The following SPECC1 variants were observed in gnomAD, a reference collection of about 807,000 sequenced individuals.
SPECC1 encodes sperm antigen with calponin homology and coiled-coil domains 1, also known as cytospin-B.
In SPECC1, 62 loss-of-function variants were observed where a neutral mutation model predicts 104.1. The observed-to-expected ratio is 0.60, with a 90% CI of 0.49 to 0.74. SPECC1 has a LOEUF of 0.74. SPECC1 is among the 30% of genes least tolerant of loss of function. The pLI, the probability that SPECC1 is intolerant of heterozygous loss-of-function variation, is 0.00. For missense variants in SPECC1, 1,306 were observed against 1,310.5 expected, an observed-to-expected ratio of 1.00 and a Z score of 0.05; for synonymous variants, 513 against 501.6, an observed-to-expected ratio of 1.02 and a Z score of -0.30.
chr17:20,097,129 A>G (rs2047687870), intron 2 of SPECC1, among the ~76,000 whole-genome samples: 1 of 152,136 alleles, frequency 6.6e-6, no homozygotes, highest in South Asian at 2.1e-4. Context: ...GCAGCCCCCC[A>G]CAATCCAGTT....
At position 20,231,785 on chromosome 17, in the gene SPECC1, A is replaced by G. The variant is rs201668739; in HGVS notation, c.2099A>G (p.Lys700Arg). The G allele has an allele frequency of 6.2e-7, 1 of 1,614,112 alleles. No individual in the cohort carries two copies. Among genetic ancestry groups the G allele is most frequent in the South Asian group, 1.1e-5 (1 of 91,090 alleles). The part of the protein sequence containing the change: ...ESSVIKLEEQ[K>R]SDLERQLKTL... Reference sequence around the variant, plus strand: ...AGTGTGATCAAGCTGGAGGAACAGAAGTCAGACCTGGAGAGGCAGCTGAAG... The same window carrying G: ...AGTGTGATCAAGCTGGAGGAACAGAGGTCAGACCTGGAGAGGCAGCTGAAG... The change falls in exon 6 of 15, where the codon AAG becomes AGG. Residue 700 changes from lysine (K) to arginine (R), a missense_variant. Around this residue, in one of 2 missense-constraint regions of SPECC1, gnomAD observed 1,177 missense variants for 1,139.9 expected, o/e 1.03. Transcript: ENST00000395527.
At chr17:20,139,281 C>T (rs2030443324) in intron 3 of SPECC1, among the ~76,000 whole-genome samples, 1 of 152,206 alleles carries the variant, frequency 6.6e-6, no homozygotes, top group Admixed American at 6.5e-5. Flanking sequence ...CGGATCCCAA[C>T]TTGCCCGTTG....
chr17:20,210,090 T>G (rs886206280), intron 4 of SPECC1, among the ~76,000 whole-genome samples: 1 of 152,068 alleles, frequency 6.6e-6, no homozygotes, highest in African/African-American at 2.4e-5. Context: ...CAAACTGATT[T>G]AGAGTGGCCA....
chr17:20,173,992 G>C (rs1286073765), intron 3 of SPECC1, among the ~76,000 whole-genome samples: 2 of 151,824 alleles, frequency 1.3e-5, no homozygotes, highest in Non-Finnish European at 2.9e-5. Flanking sequence ...GAGTGCAGTG[G>C]TGTGATCTCG....
intron 12 of SPECC1, among the ~76,000 whole-genome samples, chr17:20,290,933 GAA>G (rs1299555804): frequency 2.0e-5 from 3 of 152,214 alleles, no homozygotes; most frequent in African/African-American, 7.2e-5. Context: ...TGCAGATGAA[GAA>G]AAATGCTGTT....
chr17:20,039,540 G>C (rs1163222099), intron 1 of SPECC1, among the ~76,000 whole-genome samples: 1 of 151,978 alleles, frequency 6.6e-6, no homozygotes, highest in Non-Finnish European at 1.5e-5. Context: ...AACATATGTT[G>C]GTATATTTAA....
intron 7 of SPECC1, among the ~76,000 whole-genome samples, chr17:20,239,765 A>G (rs2039107028): frequency 2.0e-5 from 3 of 152,044 alleles, no homozygotes; most frequent in Admixed American, 2.0e-4. Flanking sequence ...TCACTCTTGA[A>G]CATGCCCATC....
At chr17:20,309,993 AT>A (rs199577528) in intron 14 of SPECC1, among the ~76,000 whole-genome samples, 1 of 150,140 alleles carries the variant, frequency 6.7e-6, no homozygotes, top group African/African-American at 2.4e-5. Flanking sequence ...AATTTTTTGT[AT>A]TTTTTTTAGT....
chr17:20,140,607 C>T (rs2030658429), intron 3 of SPECC1, among the ~76,000 whole-genome samples: 2 of 152,178 alleles, frequency 1.3e-5, no homozygotes, highest in Non-Finnish European at 2.9e-5. Context: ...TTGACTCTTA[C>T]TATGAAGACA....
intron 1 of SPECC1, among the ~76,000 whole-genome samples, chr17:20,037,509 G>A (rs1464147975): frequency 7.0e-6 from 1 of 143,796 alleles, no homozygotes; most frequent in Non-Finnish European, 1.5e-5. Context: ...TTTTCTGACT[G>A]TTCCTGCAGA....
chr17:20,305,899 G>T, intron 13 of SPECC1, 124 bp from the exon 14 acceptor site: 5 of 764,142 alleles, frequency 6.5e-6, no homozygotes, highest in South Asian at 2.2e-5. Flanking sequence ...TTGTACACTT[G>T]ACTTACTATT....
rs973634912 is a variant in SPECC1 at position 20,315,660 on chromosome 17, T to C, written c.*1595T>C. ...GAGCCACTGGTTCAGAGCCAGGTTC[T>C]AGAGGCTGCAGGTCCAGCCCCTTAC... is the stretch of plus-strand genomic sequence containing the variant. On this transcript the variant is annotated 3_prime_UTR_variant, in exon 15 of 15. Coordinates refer to ENST00000395527, the MANE Select transcript of SPECC1 (RefSeq NM_001243439.2). 2 of 232,346 alleles carry C rather than the reference T, an allele frequency of 8.6e-6. No individual in the cohort carries two copies. The highest frequency in any genetic ancestry group is 4.4e-5 in the African/African-American group (2 of 45,262). 14.4% of individuals were successfully genotyped at this position (232,346 alleles called of 1,614,324 possible). A position where few individuals can be genotyped will look rare whatever the true frequency, so the allele number is the denominator to read the frequency against.
intron 6 of SPECC1, 69 bp from the exon 7 acceptor site, chr17:20,232,131 T>A: frequency 6.3e-7 from 1 of 1,577,160 alleles, no homozygotes; most frequent in East Asian, 2.2e-5. Context: ...ACACGGGGAC[T>A]CTGGGGTCCC....
intron 1 of SPECC1, among the ~76,000 whole-genome samples, chr17:20,066,024 A>G (rs184875802): frequency 2.1e-3 from 319 of 152,294 alleles, no homozygotes; most frequent in African/African-American, 7.4e-3. Context: ...ATATCTATCT[A>G]TCAGTCAATC....
chr17:20,105,294 T>C (rs937669995), intron 2 of SPECC1, among the ~76,000 whole-genome samples: 4 of 152,238 alleles, frequency 2.6e-5, no homozygotes, highest in Admixed American at 2.0e-4. Flanking sequence ...GGAGTCTTAC[T>C]ATGTTGCTCA....
intron 12 of SPECC1, among the ~76,000 whole-genome samples, chr17:20,296,069 G>T (rs541034333): frequency 6.6e-6 from 1 of 152,118 alleles, no homozygotes; most frequent in Non-Finnish European, 1.5e-5. Flanking sequence ...CATTGCTTTT[G>T]GTGTTTTAGA....
At chr17:20,210,301 G>A (rs1469425908) in intron 4 of SPECC1, among the ~76,000 whole-genome samples, 1 of 152,138 alleles carries the variant, frequency 6.6e-6, no homozygotes, top group Non-Finnish European at 1.5e-5. Flanking sequence ...CTTGAGCCAG[G>A]GGACACTCCC....
At position 20,061,741 on chromosome 17, in the gene SPECC1, A is replaced by G. The variant is rs1352930432; in HGVS notation, c.-21-34890A>G. The stretch of plus-strand genomic sequence containing the variant: ...TCTATAACTTACTGACTTCAGTCCC[A>G]TTTTTCTTTCATTTATTCAACAAAT... On this transcript the variant is annotated intron_variant, in intron 1 of 14. Transcript: ENST00000395527. Among the ~76,000 whole-genome samples the G allele has an allele frequency of 9.2e-5, 14 of 152,030 alleles. 1 individual carries two copies. Among genetic ancestry groups the G allele is most frequent in the Admixed American group, 8.5e-4 (13 of 15,264 alleles).
intron 1 of SPECC1, among the ~76,000 whole-genome samples, chr17:20,085,528 C>T (rs2047144600): frequency 6.6e-6 from 1 of 152,192 alleles, no homozygotes. Context: ...TTTGTGGTTC[C>T]TGTGTATATT....
Sources: allele counts gnomAD v4.1 joint callset (sites outside exome capture counted in the v4.1 genomes callset), GRCh38; gene constraint gnomAD v4.1.1; regional missense constraint gnomAD v4.1.1; transcripts MANE v1.5; gene names NCBI Gene and HGNC (gene_info 2026-07-23, HGNC 2026-07-21).